Variants in SLC2A9 observed in about 807,000 individuals in gnomAD.
The protein encoded by SLC2A9 is solute carrier family 2 member 9, also known as solute carrier family 2, facilitated glucose transporter member 9.
Under a neutral mutation model 50.6 loss-of-function variants are expected in SLC2A9, and 39 were observed. The observed-to-expected ratio is 0.77, with a 90% confidence interval of 0.60 to 1.01. The LOEUF (loss-of-function observed/expected upper bound fraction) is 1.01. SLC2A9 is among the 50% of genes least tolerant of loss of function. The probability of loss-of-function intolerance (pLI) is 0.00; values close to 1 mark genes in which losing one functional copy is unlikely to be tolerated. For synonymous variants in SLC2A9, 324 were observed against 276.9 expected (o/e 1.17, Z -1.69); for missense variants, 686 against 677.6 (o/e 1.01, Z -0.14).
At chr4:9,933,001 T>C (rs1746422095) in intron 6 of SLC2A9, among the ~76,000 whole-genome samples, 1 of 152,110 alleles carries the variant, frequency 6.6e-6, no homozygotes, top group African/African-American at 2.4e-5. Context: ...GCCAAGAACA[T>C]CAGCCACGTT....
chr4:10,034,513 GCT>G, intron 1 of SLC2A9: 1 of 152,522 alleles, frequency 6.6e-6, no homozygotes, highest in African/African-American at 2.4e-5. Flanking sequence ...CATCCTTACA[GCT>G]CTTGTCTTCA....
At chr4:9,815,211 A>T (rs1466371163) in intron 3 of SLC2A9, among the ~76,000 whole-genome samples, 2 of 152,228 alleles carry the variant, frequency 1.3e-5, no homozygotes, top group Non-Finnish European at 2.9e-5. Flanking sequence ...CCAGAACTCC[A>T]GCAAAGCTGC....
chr4:9,845,427 C>CT (rs1175166447), intron 10 of SLC2A9, among the ~76,000 whole-genome samples: 8,287 of 108,694 alleles, frequency 0.076, 1,026 homozygotes, highest in Non-Finnish European at 0.1. Context: ...TCATCAATTT[C>CT]TTTTTTTTTT....
At chr4:10,004,729 T>G (rs1262964819) in intron 2 of SLC2A9, among the ~76,000 whole-genome samples, 1 of 152,226 alleles carries the variant, frequency 6.6e-6, no homozygotes, top group African/African-American at 2.4e-5. Context: ...ACAGAGCCCA[T>G]GCCATCACAA....
At chr4:9,924,706 T>G (rs545581424) in intron 6 of SLC2A9, among the ~76,000 whole-genome samples, 1 of 152,184 alleles carries the variant, frequency 6.6e-6, no homozygotes, top group South Asian at 2.1e-4. Context: ...ACCTCTCAAA[T>G]AAACTTCCCA....
chr4:9,876,564 C>A (rs192084120), intron 10 of SLC2A9, among the ~76,000 whole-genome samples: 105 of 152,282 alleles, frequency 6.9e-4, no homozygotes, highest in East Asian at 6.4e-3. Flanking sequence ...GCACTTCAGC[C>A]TGGGTGACAG....
intron 6 of SLC2A9, among the ~76,000 whole-genome samples, chr4:9,936,174 G>A (rs28480661): frequency 0.2 from 29,759 of 152,120 alleles, 3,128 homozygotes; most frequent in African/African-American, 0.22. Context: ...CAGGAGGTGG[G>A]GCCTTTGGGG....
chr4:9,983,762 T>G (rs1756267147), intron 4 of SLC2A9, among the ~76,000 whole-genome samples: 1 of 152,274 alleles, frequency 6.6e-6, no homozygotes, highest in Non-Finnish European at 1.5e-5. Flanking sequence ...GGTTTCGCTC[T>G]GTAGCCAAGG....
chr4:9,947,884 T>C (rs1335120313), intron 5 of SLC2A9, among the ~76,000 whole-genome samples: 10 of 152,194 alleles, frequency 6.6e-5, no homozygotes, highest in Admixed American at 4.6e-4. Context: ...TCCCTCTTTC[T>C]GCCTCCTGAC....
chr4:9,773,957 C>T (rs1560266043), intron 1 of SLC2A9, among the ~76,000 whole-genome samples: 3 of 151,310 alleles, frequency 2.0e-5, no homozygotes, highest in Non-Finnish European at 4.4e-5. Context: ...ATACACAGAA[C>T]ACTCTCAGTT....
chr4:9,871,661 A>G (rs1733459633), intron 10 of SLC2A9, among the ~76,000 whole-genome samples: 1 of 152,136 alleles, frequency 6.6e-6, no homozygotes. Flanking sequence ...ATCTGCAATG[A>G]CCTTATTTCT....
intron 1 of SLC2A9, chr4:9,771,378 GGA>G (rs1325553943): frequency 2.5e-6 from 1 of 397,044 alleles, no homozygotes; most frequent in Non-Finnish European, 4.4e-6. Flanking sequence ...CACTGCAGAA[GGA>G]GAGAGGGTGT....
intron 5 of SLC2A9, among the ~76,000 whole-genome samples, chr4:9,969,512 GT>G (rs1015786213): frequency 2.0e-5 from 3 of 152,206 alleles, no homozygotes; most frequent in Admixed American, 2.0e-4. Context: ...GATCAATGTG[GT>G]TTTTTTCCCC....
chr4:9,879,120 T>C, intron 10 of SLC2A9: 1 of 982,018 alleles, frequency 1.0e-6, no homozygotes, highest in Non-Finnish European at 1.2e-6. Context: ...AAGCAGTCCC[T>C]GATGTTAGGA....
intron 5 of SLC2A9, among the ~76,000 whole-genome samples, 165 bp downstream of exon 5, chr4:9,980,427 A>G (rs1755528690): frequency 6.6e-6 from 1 of 152,258 alleles, no homozygotes; most frequent in Non-Finnish European, 1.5e-5. Context: ...TGTACTTAAA[A>G]AAAATAAACT....
intron 2 of SLC2A9, among the ~76,000 whole-genome samples, chr4:10,015,581 T>TCATCTCCAAA (rs1426532963): frequency 2.6e-5 from 4 of 152,152 alleles, no homozygotes. Flanking sequence ...ATGAGGCCTT[T>TCATCTCCAAA]GGGAGGTTAC....
chr4:9,845,423 A>ATTTTTTTTT (rs1183351674), intron 10 of SLC2A9, among the ~76,000 whole-genome samples: 1 of 130,800 alleles, frequency 7.6e-6, no homozygotes, highest in African/African-American at 3.2e-5. Context: ...ACGATCATCA[A>ATTTTTTTTT]TTTCTTTTTT....
At chr4:9,981,835 C>G (rs1014628971) in intron 4 of SLC2A9, among the ~76,000 whole-genome samples, 1 of 151,804 alleles carries the variant, frequency 6.6e-6, no homozygotes, top group African/African-American at 2.4e-5. Context: ...GTCTTAGAGC[C>G]TTCTATCATC....
At chr4:9,790,653 G>A (rs957499909) in intron 3 of SLC2A9, among the ~76,000 whole-genome samples, 22 of 152,270 alleles carry the variant, frequency 1.4e-4, no homozygotes, top group African/African-American at 3.9e-4. Context: ...GGGTCTCTCC[G>A]TAGCCCCTAA....
Sources: gnomAD v4.1 joint callset for allele counts (sites outside exome capture counted in the v4.1 genomes callset) on GRCh38, gnomAD v4.1.1 for gene constraint, MANE v1.5 for transcripts, NCBI Gene and HGNC (gene_info 2026-07-23, HGNC 2026-07-21) for gene names.